The following GRB10 variants were observed in gnomAD, a reference collection of about 807,000 sequenced individuals.
GRB10 encodes growth factor receptor bound protein 10.
In GRB10, 20 loss-of-function variants were observed where a neutral mutation model predicts 80.9. The ratio of observed to expected loss-of-function variants is 0.25; its 90% CI spans 0.17 to 0.36. GRB10 has a LOEUF of 0.36. GRB10 is among the 10% of genes least tolerant of loss of function. GRB10 has a pLI of 1.00. For missense variants in GRB10, 548 were observed against 747.7 expected, an observed-to-expected ratio of 0.73 and a Z score of 3.12; for synonymous variants, 291 against 291.5, an observed-to-expected ratio of 1.00 and a Z score of 0.02.
chr7:50,617,907 G>T, intron 10 of GRB10, 164 bp downstream of exon 10: 1 of 677,900 alleles, frequency 1.5e-6, no homozygotes, highest in South Asian at 1.7e-5. Context: ...TTAATTTCTG[G>T]TTACTCTAAA....
intron 5 of GRB10, among the ~76,000 whole-genome samples, chr7:50,685,751 A>G (rs1047579452): frequency 1.3e-5 from 2 of 152,222 alleles, no homozygotes; most frequent in Non-Finnish European, 2.9e-5. Flanking sequence ...AGCTCTAAAA[A>G]GAGCCTGAAT....
At chr7:50,757,609 G>C (rs559058152) in intron 2 of GRB10, among the ~76,000 whole-genome samples, 2 of 152,368 alleles carry the variant, frequency 1.3e-5, no homozygotes, top group South Asian at 4.1e-4. Context: ...TGGAAGTTTG[G>C]AAAGTATCAA....
At chr7:50,739,656 C>T (rs541382593) in intron 3 of GRB10, among the ~76,000 whole-genome samples, 1 of 152,306 alleles carries the variant, frequency 6.6e-6, no homozygotes, top group South Asian at 2.1e-4. Context: ...GATTTCAAGA[C>T]CCGGTAACAG....
At chr7:50,733,526 C>G (rs550117244) in intron 3 of GRB10, among the ~76,000 whole-genome samples, 17 of 152,158 alleles carry the variant, frequency 1.1e-4, no homozygotes, top group Non-Finnish European at 2.1e-4. Flanking sequence ...CAAAGAACGC[C>G]CCAGAACACT....
chr7:50,760,709 G>A (rs2075672261), intron 2 of GRB10, among the ~76,000 whole-genome samples: 1 of 152,110 alleles, frequency 6.6e-6, no homozygotes, highest in Non-Finnish European at 1.5e-5. Context: ...CTGCAAATAC[G>A]AACATGAGTA....
chr7:50,765,162 G>A (rs1398763024), intron 2 of GRB10, among the ~76,000 whole-genome samples: 2 of 152,028 alleles, frequency 1.3e-5, no homozygotes, highest in Non-Finnish European at 2.9e-5. Context: ...TATCAAAAAG[G>A]GAATAATGGA....
At chr7:50,674,160 T>C (rs1176715578) in intron 6 of GRB10, among the ~76,000 whole-genome samples, 1 of 152,188 alleles carries the variant, frequency 6.6e-6, no homozygotes, top group African/African-American at 2.4e-5. Flanking sequence ...CTCTGGTGGT[T>C]TTCCTGCATA....
chr7:50,678,966 T>C (rs1388459727), intron 5 of GRB10, among the ~76,000 whole-genome samples: 3 of 152,222 alleles, frequency 2.0e-5, no homozygotes, highest in Non-Finnish European at 2.9e-5. Flanking sequence ...GCCAAAATAT[T>C]TTCCATGGGG....
chr7:50,604,359 T>A lies in GRB10; in HGVS notation c.1408A>T (p.Asn470Tyr). The change falls in exon 16 of 19, where the codon AAC becomes TAC. Residue 470 changes from asparagine (N) to tyrosine (Y), a missense_variant. By Grantham distance (143) the Asn-to-Tyr change is moderately radical (BLOSUM62 -2). Transcript: ENST00000401949. Reference sequence around the variant, plus strand: ...AGGGGACTTTGGCTACCTAGGATGTTCATCCGTGTGCTTCGCTTCTGCAAA... The same window carrying A: ...AGGGGACTTTGGCTACCTAGGATGTACATCCGTGTGCTTCGCTTCTGCAAA... ...HAWRKRSTRM[N>Y]ILGSQSPLHP... The A allele has an allele frequency of 6.2e-7, 1 of 1,613,374 alleles. No homozygotes were observed. The highest frequency in any genetic ancestry group is 8.5e-7 in the Non-Finnish European group (1 of 1,179,820).
chr7:50,768,181 C>T (rs2076559255), intron 2 of GRB10, among the ~76,000 whole-genome samples: 1 of 152,158 alleles, frequency 6.6e-6, no homozygotes, highest in Admixed American at 6.5e-5. Flanking sequence ...CATGACCTGG[C>T]GACAAACTGT....
At chr7:50,729,398 T>C (rs1391520256) in intron 4 of GRB10, 5 of 152,228 alleles carry the variant, frequency 3.3e-5, no homozygotes, top group Admixed American at 6.5e-5. Context: ...TTTTGCATTT[T>C]TCTGAAAGAT....
chr7:50,714,226 C>T (rs142838996), intron 4 of GRB10, among the ~76,000 whole-genome samples: 1 of 152,316 alleles, frequency 6.6e-6, no homozygotes, highest in East Asian at 1.9e-4. Context: ...ATCATGAGTT[C>T]TAGAGTAACT....
chr7:50,728,219 G>C (rs1033654713), intron 4 of GRB10, among the ~76,000 whole-genome samples: 17 of 151,472 alleles, frequency 1.1e-4, no homozygotes, highest in African/African-American at 4.1e-4. Flanking sequence ...AAGTATGGGG[G>C]GGGGGTGTAG....
chr7:50,785,263 G>A (rs2078645818), upstream of GRB10, among the ~76,000 whole-genome samples: 1 of 152,206 alleles, frequency 6.6e-6, no homozygotes, highest in Admixed American at 6.5e-5. Flanking sequence ...TCTGAGCAAT[G>A]TCCTTTTGAA....
upstream of GRB10, among the ~76,000 whole-genome samples, chr7:50,784,680 G>C (rs1267003614): frequency 6.6e-6 from 1 of 152,224 alleles, no homozygotes; most frequent in South Asian, 2.1e-4. Context: ...TGGCTGACAG[G>C]ACACACATTT....
intron 4 of GRB10, among the ~76,000 whole-genome samples, chr7:50,717,436 T>C (rs4947432): frequency 0.9 from 137,747 of 152,286 alleles, 62,414 homozygotes; most frequent in African/African-American, 0.96. Flanking sequence ...CTCACTCACA[T>C]GAGAAGCTTG....
chr7:50,745,230 C>T (rs182318744), intron 3 of GRB10, among the ~76,000 whole-genome samples: 21 of 152,164 alleles, frequency 1.4e-4, no homozygotes, highest in Non-Finnish European at 4.4e-5. Flanking sequence ...ATTTGCAATG[C>T]GTATTACTTA....
intron 2 of GRB10, among the ~76,000 whole-genome samples, chr7:50,757,230 T>C (rs991085246): frequency 9.2e-5 from 14 of 152,208 alleles, no homozygotes; most frequent in Middle Eastern, 3.2e-3. Flanking sequence ...TATTGAGTCA[T>C]TGGGGTTCAG....
intron 4 of GRB10, chr7:50,705,114 C>T (rs1161238397): frequency 6.1e-6 from 6 of 983,086 alleles, no homozygotes; most frequent in Non-Finnish European, 7.2e-6. Context: ...GATGGATGCT[C>T]ACTTCTCTGC....
Sources: gnomAD v4.1 joint callset for allele counts (sites outside exome capture counted in the v4.1 genomes callset) on GRCh38, gnomAD v4.1.1 for gene constraint, MANE v1.5 for transcripts, NCBI Gene and HGNC (gene_info 2026-07-23, HGNC 2026-07-21) for gene names.